Variants in HEATR1 observed in about 807,000 individuals in gnomAD.
HEATR1 encodes the protein HEAT repeat-containing protein 1.
HEATR1 carries 77 observed loss-of-function variants against 248.2 expected under a neutral mutation model. The ratio of observed to expected loss-of-function variants is 0.31; its 90% CI spans 0.26 to 0.37. HEATR1 has a LOEUF of 0.37. Ranked by LOEUF, HEATR1 falls within the 10% of genes least tolerant of loss-of-function variation. The pLI, the probability that HEATR1 is intolerant of heterozygous loss-of-function variation, is 1.00. For missense variants in HEATR1, 2,420 were observed against 2,504.9 expected (o/e 0.97, Z 0.72); for synonymous variants, 897 against 923.1 (o/e 0.97, Z 0.51).
intron 29 of HEATR1, among the ~76,000 whole-genome samples, chr1:236,567,190 G>A (rs2799431): frequency 0.47 from 71,964 of 151,840 alleles, 21,096 homozygotes; most frequent in Non-Finnish European, 0.64. Context: ...TATGTTGACC[G>A]GGCTGTTCTC....
Position 236,557,269 on chromosome 1 carries a change from A to G in HEATR1, c.5281T>C (p.Leu1761=), listed in dbSNP as rs755512335. ...TCCACAACCTTCTGCAGAGCAGCCA[A>G]GGCACTGAGCAGGTAGACCTCGCTG... ...VSSEVYLLSA[L]AALQKVVETL... is the part of the protein sequence containing the mutation. The change falls in exon 37 of 45, where the codon TTG becomes CTG. Residue 1761 remains leucine, a synonymous_variant. Transcript: ENST00000366582. The G allele has an allele frequency of 2.9e-5, 47 of 1,614,218 alleles. No homozygotes were observed. Among genetic ancestry groups the G allele is most frequent in the Non-Finnish European group, 3.6e-5 (43 of 1,180,036 alleles).
chr1:236,576,702 G>A (rs1431678062), intron 21 of HEATR1, 78 bp downstream of exon 21: 65 of 1,329,984 alleles, frequency 4.9e-5, no homozygotes. Flanking sequence ...CCTACACAGT[G>A]AAATGTCGAG....
intron 35 of HEATR1, 63 bp from the exon 36 acceptor site, chr1:236,558,592 C>T: frequency 1.3e-6 from 2 of 1,488,662 alleles, no homozygotes; most frequent in Non-Finnish European, 1.8e-6. Flanking sequence ...TCCATTTTCC[C>T]ATTGTCACAG....
chr1:236,592,150 A>C (rs1664054855), intron 10 of HEATR1, 40 bp from the exon 11 acceptor site: 7 of 1,054,650 alleles, frequency 6.6e-6, no homozygotes, highest in Non-Finnish European at 8.6e-6. Context: ...ATTCTTAATA[A>C]ATTTATTAAT....
intron 29 of HEATR1, among the ~76,000 whole-genome samples, chr1:236,567,270 A>C (rs976526390): frequency 2.0e-5 from 3 of 152,160 alleles, no homozygotes; most frequent in Admixed American, 6.5e-5. Context: ...ATGCCACCAC[A>C]CTCAGCCACA....
At chr1:236,601,771 AG>A (rs1425800725) in intron 3 of HEATR1, among the ~76,000 whole-genome samples, 1 of 151,964 alleles carries the variant, frequency 6.6e-6, no homozygotes, top group Non-Finnish European at 1.5e-5. Context: ...CTGGAGATCG[AG>A]TGGGCCACGA....
chr1:236,593,571 T>C (rs1572052405), intron 9 of HEATR1, among the ~76,000 whole-genome samples: 1 of 131,578 alleles, frequency 7.6e-6, no homozygotes, highest in African/African-American at 2.9e-5. Context: ...CTGTATCGAG[T>C]TGCCCATTAA....
At chr1:236,584,675 T>C (rs1663838398) in intron 17 of HEATR1, among the ~76,000 whole-genome samples, 1 of 152,194 alleles carries the variant, frequency 6.6e-6, no homozygotes, top group Non-Finnish European at 1.5e-5. Context: ...AACAATTGAA[T>C]GAAATAGTAT....
rs374840477 is a variant in HEATR1, at chr1:236,596,970, C to A, written c.610G>T (p.Ala204Ser). The stretch of plus-strand genomic sequence containing the variant: ...TGAGCTGAGCTGCCCGGGTACTCAG[C>A]AAAAACCTGAAACAAGGAACACAAA... ...SLVTKSVKVFAEYPGSSAQLR... is the reference protein window; with the variant it reads ...SLVTKSVKVFSEYPGSSAQLR... The change falls in exon 6 of 45, where the codon GCT (alanine) becomes TCT (serine). Residue 204 changes from alanine to serine, a missense_variant. Physicochemically the swap from Ala to Ser is moderately conservative, Grantham distance 99. Coordinates refer to ENST00000366582, the MANE Select transcript of HEATR1 (RefSeq NM_018072.6). 1.9e-6 allele frequency: 3 copies of A among 1,607,990 alleles called. No individual in the cohort carries two copies. The highest frequency in any genetic ancestry group is 2.7e-5 in the African/African-American group (2 of 74,380).
chr1:236,570,754 G>A (rs2799429), intron 28 of HEATR1, among the ~76,000 whole-genome samples: 110,812 of 151,162 alleles, frequency 0.73, 40,781 homozygotes, highest in Admixed American at 0.76. Context: ...AAGAAAAAAA[G>A]AAATCCCATA....
chr1:236,557,117 A>T (rs1294730425), intron 37 of HEATR1, 78 bp downstream of exon 37: 1 of 1,466,026 alleles, frequency 6.8e-7, no homozygotes, highest in Non-Finnish European at 9.1e-7. Context: ...CCTTAAAGAA[A>T]AAACAAAATC....
At position 236,549,965 on chromosome 1, in the gene HEATR1, T is replaced by A. The variant is rs999856295; in HGVS notation, c.*937A>T. On this transcript the variant is annotated 3_prime_UTR_variant, in exon 45 of 45. Coordinates refer to ENST00000366582, the MANE Select transcript of HEATR1 (RefSeq NM_018072.6). ...GCCACATTTCTGCATTAAACTTCTA[T>A]ATTAGCTTCAAAGGCTTTTAAACTC... 1.7e-4 allele frequency: 26 copies of A among 152,238 alleles called. No individual in the cohort carries two copies. Among genetic ancestry groups the A allele is most frequent in the African/African-American group, 6.3e-4 (26 of 41,466 alleles). The allele number at this position is 152,238 out of a possible 1,614,324, so 9.4% of individuals were successfully genotyped here.
Position 236,603,302 on chromosome 1 carries a change from G to A in HEATR1, c.217C>T (p.Leu73=). The change falls in exon 3 of 45, where the codon CTA becomes TTA. Residue 73 remains leucine, a synonymous_variant. Coordinates refer to ENST00000366582, the MANE Select transcript of HEATR1 (RefSeq NM_018072.6). ...ACACTTCGCTCCAAGGTTTTTGCTA[G>A]CTGACTGAACAACGGTGCTTCAAAC... ...EQFEAPLFSQ[L]AKTLERSVQT... 1 of 1,614,134 alleles carries A rather than the reference G, an allele frequency of 6.2e-7. No individual in the cohort carries two copies. Among genetic ancestry groups the A allele is most frequent in the Non-Finnish European group, 8.5e-7 (1 of 1,179,998 alleles).
intron 19 of HEATR1, among the ~76,000 whole-genome samples, chr1:236,582,328 G>A (rs1209080693): frequency 1.3e-5 from 2 of 151,902 alleles, no homozygotes; most frequent in Middle Eastern, 3.4e-3. Flanking sequence ...GGATGGTCTC[G>A]ATCTCCTGAC....
chr1:236,563,340 G>A (rs1390631170), intron 32 of HEATR1, among the ~76,000 whole-genome samples: 3 of 151,720 alleles, frequency 2.0e-5, no homozygotes, highest in Non-Finnish European at 4.4e-5. Flanking sequence ...GGAATGCATT[G>A]GCTCGATCTT....
At chr1:236,561,092 T>A in intron 33 of HEATR1, 133 bp downstream of exon 33, 1 of 689,188 alleles carries the variant, frequency 1.5e-6, no homozygotes, top group South Asian at 1.9e-5. Context: ...CTAAGGCAAA[T>A]GTGGCAGAAA....
Position 236,592,558 on chromosome 1 carries a change from T to C in HEATR1, c.1269A>G (p.Glu423=), listed in dbSNP as rs748162961. The C allele has an allele frequency of 3.3e-6, 5 of 1,503,630 alleles. No homozygotes were observed. In the South Asian group the frequency reaches 4.5e-5, roughly 14 times the overall value. The allele number at this position is 1,503,630 out of a possible 1,614,324, so 93.1% of individuals were successfully genotyped here. A position where few individuals can be genotyped will look rare whatever the true frequency, so the allele number is the denominator to read the frequency against. Residue 423 remains glutamate (E), a synonymous_variant, in exon 10 of 45, where the codon GAA becomes GAG. Transcript: ENST00000366582. The part of the protein sequence containing the change: ...MDSNKVSLLN[E]QFLPLIRLLE... ...AAAGCCTAATGAGTGGAAGAAATTG[T>C]TCATTAAGCAAAGACACTTTATTAG...
intron 20 of HEATR1, among the ~76,000 whole-genome samples, chr1:236,578,220 T>C (rs540939939): frequency 5.9e-5 from 9 of 152,336 alleles, no homozygotes; most frequent in African/African-American, 1.4e-4. Flanking sequence ...AGGAATGAGG[T>C]TGGAGTCAAA....
intron 28 of HEATR1, among the ~76,000 whole-genome samples, chr1:236,571,130 G>A (rs1663414047): frequency 1.3e-5 from 2 of 152,180 alleles, no homozygotes; most frequent in Non-Finnish European, 2.9e-5. Context: ...ATCCAGTGAA[G>A]AAGGTTATTA....
Sources: gnomAD v4.1 joint callset for allele counts (sites outside exome capture counted in the v4.1 genomes callset) on GRCh38, gnomAD v4.1.1 for gene constraint, MANE v1.5 for transcripts, NCBI Gene and HGNC (gene_info 2026-07-23, HGNC 2026-07-21) for gene names.